NIBAN1: variants seen among roughly 807,000 people sequenced by gnomAD.
The protein encoded by NIBAN1 is protein Niban 1.
NIBAN1 carries 81 observed loss-of-function variants against 75.1 expected under a neutral mutation model. That is an observed-to-expected ratio of 1.08 (90% CI 0.90 to 1.30). The LOEUF (loss-of-function observed/expected upper bound fraction) is 1.30. Ranked by LOEUF, NIBAN1 falls within the 50% of genes most tolerant of loss-of-function variation. The probability of loss-of-function intolerance (pLI) is 0.00; values close to 1 mark genes in which losing one functional copy is unlikely to be tolerated. For missense variants in NIBAN1, 1,133 were observed against 1,128.1 expected, an observed-to-expected ratio of 1.00 and a Z score of -0.06; for synonymous variants, 436 against 424.8, an observed-to-expected ratio of 1.03 and a Z score of -0.32.
chr1:184,798,408 A>G (rs112666630), intron 12 of NIBAN1, among the ~76,000 whole-genome samples: 2,382 of 152,250 alleles, frequency 0.016, 46 homozygotes, highest in East Asian at 0.057. Context: ...ACCTCGACAC[A>G]TCTATTACTG....
At chr1:184,894,839 G>A (rs1471168637) in intron 2 of NIBAN1, among the ~76,000 whole-genome samples, 1 of 152,156 alleles carries the variant, frequency 6.6e-6, no homozygotes, top group Non-Finnish European at 1.5e-5. Flanking sequence ...ATTAACTGTG[G>A]TGATATATGT....
chr1:184,906,084 T>A (rs1294193676), intron 1 of NIBAN1, among the ~76,000 whole-genome samples: 1 of 150,174 alleles, frequency 6.7e-6, no homozygotes, highest in Non-Finnish European at 1.5e-5. Flanking sequence ...CAAAAAAAAA[T>A]TAAAAAATTA....
rs144251421 is a variant in NIBAN1 at position 184,961,105 on chromosome 1, G to A, written c.55+13197C>T. Among the ~76,000 whole-genome samples the A allele has an allele frequency of 6.3e-4, 66 of 104,154 alleles. 2 individuals are homozygous for A. In the East Asian group the frequency reaches 0.02, roughly 32 times the overall value. 68.3% of individuals were successfully genotyped at this position (104,154 alleles called of 152,430 possible). ...TTTTTTTCAGACGGAGTCTTGCTCT[G>A]TCGCCCAGGCTGGAGTGCAGTGGCG... On this transcript the variant is annotated intron_variant, in intron 1 of 13. Transcript: ENST00000367511.
intron 5 of NIBAN1, among the ~76,000 whole-genome samples, chr1:184,855,402 G>A (rs1012902362): frequency 4.6e-5 from 7 of 152,064 alleles, no homozygotes; most frequent in Admixed American, 2.6e-4. Flanking sequence ...CAAGCTGAAT[G>A]ATACAATTAT....
intron 5 of NIBAN1, among the ~76,000 whole-genome samples, chr1:184,870,384 G>A (rs1656074468): frequency 6.6e-6 from 1 of 152,112 alleles, no homozygotes; most frequent in Admixed American, 6.5e-5. Context: ...GATGACTGAG[G>A]TTTGTTTATT....
intron 5 of NIBAN1, among the ~76,000 whole-genome samples, chr1:184,870,580 C>T (rs572448188): frequency 1.4e-4 from 21 of 152,204 alleles, no homozygotes; most frequent in African/African-American, 3.9e-4. Context: ...AGTCATTTCC[C>T]GCAAGGTCAA....
chr1:184,843,757 G>A (rs1248573321), intron 5 of NIBAN1, among the ~76,000 whole-genome samples: 3 of 152,110 alleles, frequency 2.0e-5, no homozygotes. Context: ...GACCTCTGGA[G>A]AAAAAAATTA....
intron 12 of NIBAN1, among the ~76,000 whole-genome samples, chr1:184,802,770 A>G (rs532105116): frequency 6.8e-4 from 104 of 152,310 alleles, no homozygotes; most frequent in African/African-American, 2.4e-3. Flanking sequence ...CTTCAGGTTA[A>G]TAGATTATTT....
intron 5 of NIBAN1, among the ~76,000 whole-genome samples, chr1:184,873,033 C>T (rs1268568003): frequency 6.6e-6 from 1 of 152,102 alleles, no homozygotes; most frequent in African/African-American, 2.4e-5. Context: ...TAGCATATTC[C>T]TCAACTTCAG....
chr1:184,962,134 T>C (rs1264295006), intron 1 of NIBAN1, among the ~76,000 whole-genome samples: 1 of 152,134 alleles, frequency 6.6e-6, no homozygotes, highest in Non-Finnish European at 1.5e-5. Flanking sequence ...AAAGAGTGAA[T>C]GAGAAAAGAG....
intron 1 of NIBAN1, among the ~76,000 whole-genome samples, chr1:184,924,939 T>G (rs1657645930): frequency 6.6e-6 from 1 of 152,150 alleles, no homozygotes; most frequent in South Asian, 2.1e-4. Flanking sequence ...GACTAAAGTT[T>G]GTCAATTTTA....
intron 1 of NIBAN1, among the ~76,000 whole-genome samples, chr1:184,901,702 A>G (rs1199674819): frequency 2.6e-5 from 4 of 152,182 alleles, no homozygotes; most frequent in Non-Finnish European, 5.9e-5. Context: ...AACTCTATAA[A>G]GCTTTGAAAG....
intron 9 of NIBAN1, among the ~76,000 whole-genome samples, chr1:184,808,479 C>G (rs913253352): frequency 6.6e-6 from 1 of 152,140 alleles, no homozygotes; most frequent in South Asian, 2.1e-4. Context: ...GAAGACCCAG[C>G]GGTGCACCCA....
intron 1 of NIBAN1, among the ~76,000 whole-genome samples, chr1:184,940,911 T>C (rs542903347): frequency 6.6e-6 from 1 of 152,314 alleles, no homozygotes; most frequent in Non-Finnish European, 1.5e-5. Flanking sequence ...CAGGTTGACT[T>C]CCTACATCTC....
intron 1 of NIBAN1, among the ~76,000 whole-genome samples, chr1:184,908,959 A>C (rs534307675): frequency 5.3e-5 from 8 of 152,336 alleles, no homozygotes; most frequent in African/African-American, 1.9e-4. Flanking sequence ...GAAGAATAAC[A>C]ATGTTTTTGC....
At chr1:184,801,852 G>A (rs1207063265) in intron 12 of NIBAN1, among the ~76,000 whole-genome samples, 3 of 152,156 alleles carry the variant, frequency 2.0e-5, no homozygotes, top group Non-Finnish European at 4.4e-5. Context: ...ACTTTCTATG[G>A]ACATATATAC....
At chr1:184,855,875 T>C (rs1258036129) in intron 5 of NIBAN1, among the ~76,000 whole-genome samples, 1 of 152,180 alleles carries the variant, frequency 6.6e-6, no homozygotes, top group African/African-American at 2.4e-5. Context: ...AGTTTCTAAT[T>C]AAGCTTAAAT....
chr1:184,974,326 C>G lies in NIBAN1; in HGVS notation c.31G>C (p.Glu11Gln). 2 of 1,567,750 alleles carry G rather than the reference C, an allele frequency of 1.3e-6. No individual in the cohort carries two copies. The highest frequency in any genetic ancestry group is 2.4e-5 in the East Asian group (1 of 42,176). The change falls in exon 1 of 14, where the codon GAG becomes CAG. Residue 11 changes from glutamate (E) to glutamine (Q), a missense_variant. Glu to Gln is a conservative substitution (Grantham distance 29, BLOSUM62 2). Coordinates refer to ENST00000367511, the MANE Select transcript of NIBAN1 (RefSeq NM_052966.4). ...CCTCGGATGTAAGCGCACTTGCCCT[C>G]GTCCAGCTGGCTGGAGGCTGAGCCG... MGGSASSQLD[E>Q]GKCAYIRGKT...
At chr1:184,840,673 G>C (rs1477427728) in intron 5 of NIBAN1, among the ~76,000 whole-genome samples, 1 of 151,148 alleles carries the variant, frequency 6.6e-6, no homozygotes, top group African/African-American at 2.4e-5. Context: ...ACTAGAACAA[G>C]TGAAGACAGA....
Sources: gnomAD v4.1 joint callset for allele counts (sites outside exome capture counted in the v4.1 genomes callset) on GRCh38, gnomAD v4.1.1 for gene constraint, MANE v1.5 for transcripts, NCBI Gene and HGNC (gene_info 2026-07-23, HGNC 2026-07-21) for gene names.